SLC26A7: variants seen among roughly 807,000 people sequenced by gnomAD.
SLC26A7 encodes anion exchange transporter.
Under a neutral mutation model 82.5 loss-of-function variants are expected in SLC26A7, and 59 were observed. The ratio of observed to expected loss-of-function variants is 0.72; its 90% confidence interval spans 0.58 to 0.89. The LOEUF (loss-of-function observed/expected upper bound fraction) is 0.89, where lower values mean the gene tolerates loss of function less well. Ranked by LOEUF, SLC26A7 falls within the 40% of genes least tolerant of loss-of-function variation. The pLI is 0.00. For missense variants in SLC26A7, 820 were observed against 793.0 expected, an observed-to-expected ratio of 1.03 and a Z score of -0.41; for synonymous variants, 271 against 274.3, an observed-to-expected ratio of 0.99 and a Z score of 0.12.
At chr8:91,283,224 G>A (rs531678619) in intron 2 of SLC26A7, among the ~76,000 whole-genome samples, 1 of 152,168 alleles carries the variant, frequency 6.6e-6, no homozygotes, top group Non-Finnish European at 1.5e-5. Context: ...GAGAATATAT[G>A]AGATAAACTT....
intron 2 of SLC26A7, among the ~76,000 whole-genome samples, chr8:91,265,754 G>A (rs539146930): frequency 6.6e-6 from 1 of 151,922 alleles, no homozygotes; most frequent in East Asian, 1.9e-4. Flanking sequence ...TTTTCTTTGT[G>A]GGGTGTGTGT....
intron 2 of SLC26A7, among the ~76,000 whole-genome samples, chr8:91,287,232 G>A (rs1179902730): frequency 6.6e-6 from 1 of 152,124 alleles, no homozygotes; most frequent in African/African-American, 2.4e-5. Flanking sequence ...TATTTTACTT[G>A]ATTATTCCCA....
chr8:91,375,789 A>G (rs1814499304), intron 15 of SLC26A7, among the ~76,000 whole-genome samples: 2 of 151,988 alleles, frequency 1.3e-5, no homozygotes, highest in Admixed American at 6.6e-5. Flanking sequence ...CACATGCAAG[A>G]TAAAAGACAT....
At chr8:91,337,831 G>A (rs900015355) in intron 6 of SLC26A7, among the ~76,000 whole-genome samples, 3 of 152,088 alleles carry the variant, frequency 2.0e-5, no homozygotes, top group Non-Finnish European at 4.4e-5. Context: ...GGATTGTGCT[G>A]TCTTCATGCA....
At chr8:91,368,496 G>T (rs1195543822) in intron 14 of SLC26A7, among the ~76,000 whole-genome samples, 7 of 150,136 alleles carry the variant, frequency 4.7e-5, no homozygotes, top group Non-Finnish European at 8.8e-5. Context: ...TTGGCTCACT[G>T]CAAGCTCCAC....
At chr8:91,346,140 A>T (rs1484650129) in intron 9 of SLC26A7, among the ~76,000 whole-genome samples, 1 of 152,188 alleles carries the variant, frequency 6.6e-6, no homozygotes, top group African/African-American at 2.4e-5. Flanking sequence ...TATTCCAGGA[A>T]AACAAAGCTC....
At chr8:91,380,303 T>A (rs1021308390) in intron 15 of SLC26A7, among the ~76,000 whole-genome samples, 6 of 152,132 alleles carry the variant, frequency 3.9e-5, no homozygotes, top group Non-Finnish European at 2.9e-5. Flanking sequence ...TTATGCATTA[T>A]AAGGTATCTT....
chr8:91,309,297 A>G (rs1812410476), intron 4 of SLC26A7, among the ~76,000 whole-genome samples: 2 of 151,212 alleles, frequency 1.3e-5, no homozygotes, highest in Admixed American at 6.6e-5. Context: ...TCATATCTAT[A>G]TGTATTTATA....
Position 91,289,187 on chromosome 8 carries a change from G to C in SLC26A7, c.245G>C (p.Gly82Ala), listed in dbSNP as rs1375804070. 1 of 1,613,920 alleles carries C rather than the reference G, an allele frequency of 6.2e-7. No homozygotes were observed. The highest frequency in any genetic ancestry group is 1.1e-5 in the South Asian group (1 of 91,066). ...SSVHPVFGLYGSLFPAIIYAI... is the reference protein window; with the variant it reads ...SSVHPVFGLYASLFPAIIYAI... The stretch of plus-strand genomic sequence containing the variant: ...GTGCACCCAGTGTTTGGTTTATATG[G>C]GTCTCTGTTTCCTGCCATAATTTAT... The change falls in exon 3 of 19, where the codon GGG becomes GCG. Residue 82 changes from glycine (G) to alanine (A), a missense_variant. By Grantham distance (60) the Gly-to-Ala change is moderately conservative. Transcript: ENST00000276609.
chr8:91,254,870 T>C, intron 2 of SLC26A7, among the ~76,000 whole-genome samples: 1 of 152,158 alleles, frequency 6.6e-6, no homozygotes, highest in East Asian at 1.9e-4. Flanking sequence ...TTAACTGACA[T>C]CTTGAAGACC....
intron 1 of SLC26A7, among the ~76,000 whole-genome samples, chr8:91,215,896 G>A (rs1810037077): frequency 1.3e-5 from 2 of 152,138 alleles, no homozygotes; most frequent in Admixed American, 1.3e-4. Flanking sequence ...AGTAGAAACA[G>A]TTGCAATAAT....
chr8:91,336,119 G>A (rs139742901), intron 6 of SLC26A7, among the ~76,000 whole-genome samples: 26 of 152,296 alleles, frequency 1.7e-4, no homozygotes, highest in African/African-American at 6.0e-4. Flanking sequence ...GGCAGGAAAT[G>A]TTAGATTCTT....
chr8:91,343,474 A>G lies in SLC26A7; in HGVS notation c.1140+8A>G, dbSNP rs770400351. ...ACAGGAGCGAAGACACAGGTAACTGAATTGTTCCACAGGGACAAAGCACTG... is the reference window on the plus strand; with the variant it reads ...ACAGGAGCGAAGACACAGGTAACTGGATTGTTCCACAGGGACAAAGCACTG... On this transcript the variant is annotated splice_region_variant and intron_variant, in intron 9 of 18. Coordinates refer to ENST00000276609, the MANE Select transcript of SLC26A7 (RefSeq NM_052832.4). The G allele has an allele frequency of 1.2e-6, 2 of 1,602,618 alleles. No homozygotes were observed. Among genetic ancestry groups the G allele is most frequent in the South Asian group, 2.2e-5 (2 of 90,614 alleles).
At chr8:91,295,234 C>T (rs1273504801) in intron 3 of SLC26A7, among the ~76,000 whole-genome samples, 1 of 152,150 alleles carries the variant, frequency 6.6e-6, no homozygotes, top group Non-Finnish European at 1.5e-5. Context: ...ATCTTATTTC[C>T]TGTACCAGGA....
chr8:91,382,815 A>G (rs1814702354), intron 15 of SLC26A7, among the ~76,000 whole-genome samples: 2 of 152,232 alleles, frequency 1.3e-5, no homozygotes. Flanking sequence ...ATAGCAATTC[A>G]CAGGACATTA....
At chr8:91,370,971 T>C (rs902075063) in intron 15 of SLC26A7, among the ~76,000 whole-genome samples, 3 of 151,930 alleles carry the variant, frequency 2.0e-5, no homozygotes, top group Non-Finnish European at 4.4e-5. Flanking sequence ...GTTGTATTAC[T>C]TTTTATTTTG....
rs113900654 is a variant in SLC26A7, at chr8:91,313,066, T to C, written c.478-5150T>C. ...ATATTAAAAATAGCACTGCCTAATC[T>C]GATGTTATGATGCTTTTGCTCCATG... On this transcript the variant is annotated intron_variant, in intron 4 of 18. Transcript: ENST00000276609. 1.5e-3 allele frequency among the ~76,000 whole-genome samples: 225 copies of C among 152,292 alleles called. 2 individuals are homozygous for C. Among genetic ancestry groups the C allele is most frequent in the African/African-American group, 5.3e-3 (222 of 41,580 alleles).
chr8:91,391,731 G>A (rs774108650), intron 16 of SLC26A7, among the ~76,000 whole-genome samples: 1 of 152,028 alleles, frequency 6.6e-6, no homozygotes, highest in Non-Finnish European at 1.5e-5. Context: ...TGACCTAGGA[G>A]CTTCATTTTA....
chr8:91,292,486 G>T (rs1052617604), intron 3 of SLC26A7, among the ~76,000 whole-genome samples: 1 of 151,990 alleles, frequency 6.6e-6, no homozygotes, highest in Non-Finnish European at 1.5e-5. Flanking sequence ...TAATTTTGAT[G>T]CATATGCATC....
Sources: gnomAD v4.1 joint callset for allele counts (sites outside exome capture counted in the v4.1 genomes callset) on GRCh38, gnomAD v4.1.1 for gene constraint, MANE v1.5 for transcripts, NCBI Gene and HGNC (gene_info 2026-07-23, HGNC 2026-07-21) for gene names.